The following USO1 variants were observed in gnomAD, a reference collection of about 807,000 sequenced individuals.
The protein encoded by USO1 is USO1 vesicle transport factor, also known as general vesicular transport factor p115.
Under a neutral mutation model 124.5 loss-of-function variants are expected in USO1, and 57 were observed. The observed-to-expected ratio is 0.46, with a 90% CI of 0.37 to 0.57. USO1 has a LOEUF of 0.57. Among genes scored for constraint, USO1 ranks in the 20% least tolerant of loss-of-function variants. The pLI is 0.00. For synonymous variants in USO1, 369 were observed against 362.8 expected (o/e 1.02, Z -0.19); for missense variants, 900 against 1,040.6 (o/e 0.86, Z 1.86).
chr4:75,740,977 T>C (rs1720943119), intron 1 of USO1, among the ~76,000 whole-genome samples: 1 of 152,232 alleles, frequency 6.6e-6, no homozygotes, highest in Admixed American at 6.5e-5. Flanking sequence ...TAAAAATCTG[T>C]AACTGTGATA....
At chr4:75,731,688 G>T (rs962247179) in intron 1 of USO1, among the ~76,000 whole-genome samples, 1 of 152,106 alleles carries the variant, frequency 6.6e-6, no homozygotes, top group Non-Finnish European at 1.5e-5. Context: ...TTTTAGGAAG[G>T]TACAACTATG....
intron 4 of USO1, among the ~76,000 whole-genome samples, chr4:75,768,405 G>A (rs1721829795): frequency 6.6e-6 from 1 of 151,906 alleles, no homozygotes; most frequent in Non-Finnish European, 1.5e-5. Flanking sequence ...ATTGAAAGTG[G>A]TACTGTTTTT....
chr4:75,745,462 T>C, intron 1 of USO1: 1 of 444,516 alleles, frequency 2.2e-6, no homozygotes, highest in South Asian at 1.6e-5. Flanking sequence ...CTGACTCATA[T>C]TTCTCTACAT....
At chr4:75,763,789 GAGA>G (rs1170797000) in intron 4 of USO1, among the ~76,000 whole-genome samples, 2 of 152,076 alleles carry the variant, frequency 1.3e-5, no homozygotes. Context: ...TTAATGATGA[GAGA>G]AGATGGTTTA....
chr4:75,787,302 AT>A, intron 10 of USO1, 100 bp downstream of exon 10: 1 of 1,326,984 alleles, frequency 7.5e-7, no homozygotes, highest in African/African-American at 1.5e-5. Context: ...ATAGTTAACC[AT>A]TTTTTAGGTT....
At chr4:75,778,488 T>C (rs535504781) in intron 8 of USO1, among the ~76,000 whole-genome samples, 1 of 152,234 alleles carries the variant, frequency 6.6e-6, no homozygotes, top group East Asian at 1.9e-4. Context: ...AAAACATATA[T>C]ATAAGTGGAC....
chr4:75,792,118 A>T (rs1298706224), intron 12 of USO1, among the ~76,000 whole-genome samples: 1 of 152,026 alleles, frequency 6.6e-6, no homozygotes, highest in Non-Finnish European at 1.5e-5. Flanking sequence ...TGTATACTTA[A>T]GCCAGGCGTG....
chr4:75,743,102 A>G (rs1721013156), intron 1 of USO1, among the ~76,000 whole-genome samples: 1 of 150,536 alleles, frequency 6.6e-6, no homozygotes, highest in African/African-American at 2.5e-5. Context: ...CTCCTGCCTC[A>G]GCCTCCCGAG....
chr4:75,787,123 C>A lies in USO1; in HGVS notation c.917C>A (p.Ala306Asp). ...PPGATSSCQK[A>D]MFQCGLLQQL... ...GGTGCTACCAGTAGCTGCCAGAAGG[C>A]TATGTTCCAGTGTGGGTTATTGCAG... The change falls in exon 10 of 24, where the codon GCT becomes GAT. Residue 306 changes from alanine (A) to aspartate (D), a missense_variant. By Grantham distance (126) the Ala-to-Asp change is moderately radical. This residue lies in a region of USO1 where 538 missense variants were observed against 681.6 expected (regional missense o/e 0.79). Coordinates refer to ENST00000514213, the MANE Select transcript of USO1 (RefSeq NM_003715.4). The A allele has an allele frequency of 1.2e-6, 2 of 1,608,030 alleles. No homozygotes were observed. Among genetic ancestry groups the A allele is most frequent in the Non-Finnish European group, 1.7e-6 (2 of 1,177,472 alleles).
At chr4:75,759,225 A>G (rs988219556) in intron 4 of USO1, among the ~76,000 whole-genome samples, 4 of 100,492 alleles carry the variant, frequency 4.0e-5, no homozygotes, top group Non-Finnish European at 8.1e-5. Context: ...AAACAGTAAT[A>G]GAATCACTTT....
At chr4:75,747,508 C>T (rs1320938043) in intron 1 of USO1, among the ~76,000 whole-genome samples, 3 of 151,678 alleles carry the variant, frequency 2.0e-5, no homozygotes, top group Non-Finnish European at 4.4e-5. Flanking sequence ...TTCCTAGCCT[C>T]AAGCATTCCT....
At chr4:75,808,006 T>A (rs1163817287) in intron 20 of USO1, among the ~76,000 whole-genome samples, 1 of 152,082 alleles carries the variant, frequency 6.6e-6, no homozygotes, top group Non-Finnish European at 1.5e-5. Flanking sequence ...AAGCCACAAA[T>A]GTACATGATA....
chr4:75,790,383 T>C lies in USO1; in HGVS notation c.1085+145T>C, dbSNP rs1722494070. On this transcript the variant is annotated intron_variant, in intron 11 of 23. Coordinates refer to ENST00000514213, the MANE Select transcript of USO1 (RefSeq NM_003715.4). ...AATTATCTGACAAGATAAATGATATTGATATTTTAAAAGAGTTGGTAGTCT... is the reference window on the plus strand; with the variant it reads ...AATTATCTGACAAGATAAATGATATCGATATTTTAAAAGAGTTGGTAGTCT... 5 of 1,246,114 alleles carry C rather than the reference T, an allele frequency of 4.0e-6. No individual in the cohort carries two copies. The East Asian group carries it at 1.3e-4, about 32-fold the overall frequency. 77.2% of individuals were successfully genotyped at this position (1,246,114 alleles called of 1,614,324 possible). A position where few individuals can be genotyped will look rare whatever the true frequency, so the allele number is the denominator to read the frequency against.
Position 75,752,384 on chromosome 4 carries a change from T to G in USO1, c.78T>G (p.Leu26=). The stretch of plus-strand genomic sequence containing the variant: ...TTTTTTCATGACAGATTCAAAAGCT[T>G]TGTGACAGAGTAGCTTCATCTACTT... The part of the protein sequence containing the change: ...QHTEAETIQK[L]CDRVASSTLL... Residue 26 remains leucine (L), a synonymous_variant, in exon 2 of 24, where the codon CTT becomes CTG. Transcript: ENST00000514213. 2.5e-6 allele frequency: 1 copy of G among 398,362 alleles called. No homozygotes were observed. The highest frequency in any genetic ancestry group is 1.3e-4 in the South Asian group (1 of 7,856). 24.7% of individuals were successfully genotyped at this position (398,362 alleles called of 1,614,324 possible). A position where few individuals can be genotyped will look rare whatever the true frequency, so the allele number is the denominator to read the frequency against.
In USO1 at chr4:75,790,316, T is replaced by C. The variant is rs1722493082; in HGVS notation, c.1085+78T>C. The C allele has an allele frequency of 2.4e-5, 35 of 1,479,032 alleles. No individual in the cohort carries two copies. The South Asian group carries it at 4.8e-4, about 20-fold the overall frequency. 91.6% of individuals were successfully genotyped at this position (1,479,032 alleles called of 1,614,324 possible). On this transcript the variant is annotated intron_variant, in intron 11 of 23. Coordinates refer to ENST00000514213, the MANE Select transcript of USO1 (RefSeq NM_003715.4). ...GTTAATGTATCTCATATACACATCT[T>C]ACTCTTTTTAAAGAAGTTTAGTTGT...
chr4:75,767,360 C>T (rs1321671179), intron 4 of USO1, among the ~76,000 whole-genome samples: 1 of 152,194 alleles, frequency 6.6e-6, no homozygotes, highest in Non-Finnish European at 1.5e-5. Context: ...TTATTGACAT[C>T]TAATTAATGT....
intron 19 of USO1, 63 bp from the exon 20 acceptor site, chr4:75,806,423 G>GT (rs11312984): frequency 3.3e-4 from 497 of 1,516,172 alleles, no homozygotes; most frequent in African/African-American, 5.6e-4. Context: ...GTACAGTTCT[G>GT]TTTTTTTTTC....
At chr4:75,798,386 C>T (rs1722748482) in intron 13 of USO1, among the ~76,000 whole-genome samples, 2 of 152,060 alleles carry the variant, frequency 1.3e-5, no homozygotes, top group African/African-American at 2.4e-5. Flanking sequence ...ATTTGTAACT[C>T]GAGTAGTTGT....
At chr4:75,788,736 G>A (rs2149180092) in intron 10 of USO1, among the ~76,000 whole-genome samples, 1 of 151,744 alleles carries the variant, frequency 6.6e-6, no homozygotes, top group East Asian at 1.9e-4. Flanking sequence ...TAGAGACGGG[G>A]TTCCACCACA....
Sources: gnomAD v4.1 joint callset for allele counts (sites outside exome capture counted in the v4.1 genomes callset) on GRCh38, gnomAD v4.1.1 for gene constraint, gnomAD v4.1.1 regional missense constraint, MANE v1.5 for transcripts, NCBI Gene and HGNC (gene_info 2026-07-23, HGNC 2026-07-21) for gene names.